Variants in PIK3CD observed in about 807,000 individuals in gnomAD.
The protein encoded by PIK3CD is phosphatidylinositol-4,5-bisphosphate 3-kinase catalytic subunit delta, also known as phosphatidylinositol 4,5-bisphosphate 3-kinase catalytic subunit delta isoform.
PIK3CD carries 20 observed loss-of-function variants against 122.9 expected under a neutral mutation model. That is an observed-to-expected ratio of 0.16 (90% CI 0.11 to 0.24). The LOEUF (loss-of-function observed/expected upper bound fraction) is 0.24, where lower values mean the gene tolerates loss of function less well. Among genes scored for constraint, PIK3CD ranks in the 10% least tolerant of loss-of-function variants. The pLI is 1.00. For synonymous variants in PIK3CD, 596 were observed against 593.4 expected (o/e 1.00, Z -0.06); for missense variants, 787 against 1,406.3 (o/e 0.56, Z 7.04).
the PIK3CD span, among the ~76,000 whole-genome samples, chr1:9,637,252 AGGTATGAT>A: frequency 6.6e-6 from 1 of 152,108 alleles, no homozygotes; most frequent in Non-Finnish European, 1.5e-5. Flanking sequence ...AGAAGAGGCC[AGGTATGAT>A]GGTCCACACC....
upstream of PIK3CD, among the ~76,000 whole-genome samples, chr1:9,649,157 G>A (rs1251817066): frequency 6.6e-6 from 1 of 151,592 alleles, no homozygotes; most frequent in Non-Finnish European, 1.5e-5. Context: ...GAACAATTGA[G>A]CAAGCCACTC....
In PIK3CD at chr1:9,721,539, G is replaced by A. The variant is rs748760424; in HGVS notation, c.1907G>A (p.Arg636Gln). The stretch of plus-strand genomic sequence containing the variant: ...GAGCTGACCAAATTCCTGCTGGACC[G>A]GGCCCTGGCCAACCGCAAGATCGGC... ...DCELTKFLLD[R>Q]ALANRKIGHF... The change falls in exon 15 of 24, where the codon CGG becomes CAG. Residue 636 changes from arginine (R) to glutamine (Q), a missense_variant. By Grantham distance (43) the Arg-to-Gln change is conservative. This residue lies in a region of PIK3CD where 592 missense variants were observed against 920.6 expected (regional missense o/e 0.64). Transcript: ENST00000377346. 1.9e-6 allele frequency: 3 copies of A among 1,613,686 alleles called. No homozygotes were observed. Among genetic ancestry groups the A allele is most frequent in the Non-Finnish European group, 2.5e-6 (3 of 1,179,992 alleles).
upstream of PIK3CD, among the ~76,000 whole-genome samples, chr1:9,649,287 G>A (rs1032353737): frequency 6.6e-6 from 1 of 151,692 alleles, no homozygotes; most frequent in African/African-American, 2.4e-5. Context: ...CTGGAGTGCA[G>A]TGGCACAGTT....
At position 9,689,416 on chromosome 1, in the gene PIK3CD, T is replaced by A. The variant is rs1440360052; in HGVS notation, c.-137-2051T>A. ...CTCGGGCGCTTCTCCCGGCTGGGGG[T>A]GTGAGAATTTGCCGACGGTGCCCGC... is the stretch of plus-strand genomic sequence containing the variant. On this transcript the variant is annotated intron_variant, in intron 1 of 23. Transcript: ENST00000377346. This position sits in a 1 kb window ranked among gnomAD's most constrained non-coding sequence, Gnocchi z 6.1. Among the ~76,000 whole-genome samples the A allele has an allele frequency of 4.6e-5, 7 of 150,620 alleles. No individual in the cohort carries two copies. The highest frequency in any genetic ancestry group is 9.7e-5 in the African/African-American group (4 of 41,042).
chr1:9,714,708 G>C (rs1034700956), intron 3 of PIK3CD, among the ~76,000 whole-genome samples: 1 of 152,078 alleles, frequency 6.6e-6, no homozygotes, highest in African/African-American at 2.4e-5. Context: ...GCAACACTGG[G>C]AACTTTCCTC....
At chr1:9,654,440 C>A in intron 1 of PIK3CD, 1 of 1,364,292 alleles carries the variant, frequency 7.3e-7, no homozygotes, top group Non-Finnish European at 9.8e-7. Context: ...AGGGCATCAG[C>A]CCCTGGGGGG....
In PIK3CD at chr1:9,720,259, C is replaced by G. The variant is rs1423413296; in HGVS notation, c.1470+17C>G. 3 of 1,597,646 alleles carry G rather than the reference C, an allele frequency of 1.9e-6. No individual in the cohort carries two copies. The highest frequency in any genetic ancestry group is 2.7e-5 in the African/African-American group (2 of 74,786). ...CTGGAGAAGGTCAGTGGGGGCCCCG[C>G]CGCGTGAGGCTGAGGGGCTGGCGCG... On this transcript the variant is annotated intron_variant, in intron 11 of 23. Coordinates refer to ENST00000377346, the MANE Select transcript of PIK3CD (RefSeq NM_005026.5). The surrounding 1 kb of genome is among the most constrained non-coding windows in gnomAD (Gnocchi z 9.0).
chr1:9,641,093 T>C, the PIK3CD span, among the ~76,000 whole-genome samples: 1 of 152,180 alleles, frequency 6.6e-6, no homozygotes, highest in Non-Finnish European at 1.5e-5. Flanking sequence ...ATCTTATTTT[T>C]ATTCTTCTTA....
In PIK3CD at chr1:9,724,118, C is replaced by T. The variant is rs1352834078; in HGVS notation, c.2718+26C>T. On this transcript the variant is annotated intron_variant, in intron 21 of 23. Transcript: ENST00000377346. This position sits in a 1 kb window ranked among gnomAD's most constrained non-coding sequence, Gnocchi z 7.3. ...GTACAGGGGCTGGTGCTGGCGGCTG[C>T]TGTGGGGACTTGGCTTCTGGCCCCA... is the stretch of plus-strand genomic sequence containing the variant. 1 of 1,614,048 alleles carries T rather than the reference C, an allele frequency of 6.2e-7. No individual in the cohort carries two copies. The highest frequency in any genetic ancestry group is 8.5e-7 in the Non-Finnish European group (1 of 1,180,030).
At chr1:9,711,063 G>C (rs186706529) in intron 3 of PIK3CD, among the ~76,000 whole-genome samples, 28 of 152,222 alleles carry the variant, frequency 1.8e-4, no homozygotes, top group Admixed American at 4.6e-4. Flanking sequence ...GAGATTCCAG[G>C]CGTGAGCCAC....
chr1:9,685,316 T>A (rs1410216099), intron 1 of PIK3CD, among the ~76,000 whole-genome samples: 1 of 152,136 alleles, frequency 6.6e-6, no homozygotes, highest in Non-Finnish European at 1.5e-5. Flanking sequence ...GTTTGTTTGT[T>A]TTTGGTTGTT....
chr1:9,685,101 G>A (rs931276908), intron 1 of PIK3CD, among the ~76,000 whole-genome samples: 8 of 152,106 alleles, frequency 5.3e-5, no homozygotes, highest in African/African-American at 1.9e-4. Context: ...AGGGGTGAGA[G>A]TCTCAAAGAT....
At chr1:9,703,826 T>C (rs1646737504) in intron 2 of PIK3CD, among the ~76,000 whole-genome samples, 1 of 152,258 alleles carries the variant, frequency 6.6e-6, no homozygotes, top group African/African-American at 2.4e-5. Flanking sequence ...TAGACACTCT[T>C]GCCCGTGTCT....
At chr1:9,707,661 C>T (rs1365726550) in intron 2 of PIK3CD, among the ~76,000 whole-genome samples, 2 of 152,048 alleles carry the variant, frequency 1.3e-5, no homozygotes, top group Non-Finnish European at 2.9e-5. Flanking sequence ...GCCTCCAGCT[C>T]CATCCATGTT....
At chr1:9,643,240 C>T in the PIK3CD span, among the ~76,000 whole-genome samples, 2 of 151,976 alleles carry the variant, frequency 1.3e-5, no homozygotes, top group South Asian at 4.2e-4. Flanking sequence ...GAAAACCCAT[C>T]TCTACTAAAT....
upstream of PIK3CD, among the ~76,000 whole-genome samples, chr1:9,650,906 C>A (rs528950977): frequency 6.6e-6 from 1 of 152,246 alleles, no homozygotes; most frequent in Admixed American, 6.5e-5. Flanking sequence ...TGCAGTGGTG[C>A]CATCATGGAT....
At chr1:9,630,655 G>C in the PIK3CD span, among the ~76,000 whole-genome samples, 3 of 152,160 alleles carry the variant, frequency 2.0e-5, no homozygotes, top group Non-Finnish European at 2.9e-5. Flanking sequence ...GGCCAAGGCA[G>C]GTAACATCTG....
chr1:9,643,321 T>A, the PIK3CD span, among the ~76,000 whole-genome samples: 1 of 150,698 alleles, frequency 6.6e-6, no homozygotes, highest in South Asian at 2.1e-4. Flanking sequence ...GAGGCAGGAA[T>A]TGCTTGAACC....
At position 9,720,070 on chromosome 1, in the gene PIK3CD, T is replaced by C. The variant is rs781543357; in HGVS notation, c.1340-42T>C. ...GTTGGGAGTGTGAGGGTCCCAGAGATGCTGGTCACCCCTCTACAACTTCAT... is the reference window on the plus strand; with the variant it reads ...GTTGGGAGTGTGAGGGTCCCAGAGACGCTGGTCACCCCTCTACAACTTCAT... On this transcript the variant is annotated intron_variant, in intron 10 of 23. Transcript: ENST00000377346. The surrounding 1 kb of genome is among the most constrained non-coding windows in gnomAD (Gnocchi z 9.0). 35 of 1,613,200 alleles carry C rather than the reference T, an allele frequency of 2.2e-5. No homozygotes were observed. Among genetic ancestry groups the C allele is most frequent in the Non-Finnish European group, 2.7e-5 (32 of 1,179,984 alleles).
Sources: allele counts gnomAD v4.1 joint callset (sites outside exome capture counted in the v4.1 genomes callset), GRCh38; gene constraint gnomAD v4.1.1; regional missense constraint gnomAD v4.1.1; non-coding constraint Gnocchi (gnomAD v3.1); transcripts MANE v1.5; gene names NCBI Gene and HGNC (gene_info 2026-07-23, HGNC 2026-07-21).